ANK2: variants seen among roughly 807,000 people sequenced by gnomAD.
The protein encoded by ANK2 is ankyrin 2, also known as ankyrin-2.
ANK2 carries 83 observed loss-of-function variants against 360.5 expected under a neutral mutation model. The observed-to-expected ratio is 0.23, with a 90% CI of 0.19 to 0.28. The LOEUF (loss-of-function observed/expected upper bound fraction) is 0.28. Among genes scored for constraint, ANK2 ranks in the 10% least tolerant of loss-of-function variants. The probability of loss-of-function intolerance (pLI) is 1.00; values close to 1 mark genes in which losing one functional copy is unlikely to be tolerated. For synonymous variants in ANK2, 1,740 were observed against 1,759.5 expected, an observed-to-expected ratio of 0.99 and a Z score of 0.28; for missense variants, 4,201 against 4,795.7, an observed-to-expected ratio of 0.88 and a Z score of 3.66.
chr4:113,094,312 T>A (rs987448278), intron 1 of ANK2, among the ~76,000 whole-genome samples: 11 of 152,274 alleles, frequency 7.2e-5, no homozygotes, highest in African/African-American at 2.6e-4. Flanking sequence ...ATCAGATTCA[T>A]AAATAAATAA....
chr4:112,738,851 T>A, the ANK2 span: 1 of 646,570 alleles, frequency 1.5e-6, no homozygotes, highest in Non-Finnish European at 2.9e-6. Flanking sequence ...ACATTGGTTA[T>A]GGGAGCAACA....
At chr4:113,256,076 T>C in intron 11 of ANK2, 144 bp downstream of exon 11, 4 of 1,002,686 alleles carry the variant, frequency 4.0e-6, no homozygotes, top group Non-Finnish European at 4.5e-6. Flanking sequence ...ACAATCAGCC[T>C]GTGTACTTCA....
At chr4:113,134,136 G>C (rs537023976) in intron 1 of ANK2, among the ~76,000 whole-genome samples, 6 of 152,200 alleles carry the variant, frequency 3.9e-5, no homozygotes, top group Admixed American at 2.0e-4. Flanking sequence ...CGATTTCTAA[G>C]TCTTGGATGT....
chr4:112,813,311 A>T (rs1476093677), upstream of ANK2, among the ~76,000 whole-genome samples: 2 of 152,014 alleles, frequency 1.3e-5, no homozygotes, highest in African/African-American at 4.8e-5. Context: ...AATGGAAAAA[A>T]TTACAAATGA....
chr4:112,769,757 G>A, the ANK2 span, among the ~76,000 whole-genome samples: 1 of 152,138 alleles, frequency 6.6e-6, no homozygotes, highest in South Asian at 2.1e-4. Context: ...CCCAGTGTGG[G>A]TAGGTATCAT....
chr4:112,796,448 A>G, the ANK2 span, among the ~76,000 whole-genome samples: 11 of 96,068 alleles, frequency 1.1e-4, no homozygotes, highest in African/African-American at 1.5e-4. Context: ...ATATATCTAT[A>G]TATCTATCTA....
intron 2 of ANK2, among the ~76,000 whole-genome samples, chr4:113,004,330 T>G (rs114780333): frequency 0.014 from 2,134 of 152,272 alleles, 25 homozygotes; most frequent in Non-Finnish European, 0.018. Flanking sequence ...ATAAAGAAAT[T>G]TTGTTTTCTT....
At chr4:113,254,357 T>C (rs2048155125) in intron 10 of ANK2, among the ~76,000 whole-genome samples, 2 of 152,330 alleles carry the variant, frequency 1.3e-5, no homozygotes, top group Middle Eastern at 3.4e-3. Context: ...CTTGAGTAGG[T>C]GCTAAGTAAA....
Position 113,367,606 on chromosome 4 carries a change from C to G in ANK2, c.11073C>G (p.His3691Gln). Residue 3691 changes from histidine to glutamine, a missense_variant, in exon 42 of 46, where the codon CAC becomes CAG. By Grantham distance (24) the His-to-Gln change is conservative (BLOSUM62 0). Around this residue, in one of 4 missense-constraint regions of ANK2, gnomAD observed 2,642 missense variants for 2,714.5 expected, o/e 0.97. Transcript: ENST00000357077. Reference protein sequence around the residue: ...VLQEELCTAQHKQKEEQAVSK... With the variant: ...VLQEELCTAQQKQKEEQAVSK... ...AAGAGGAGTTATGCACTGCACAGCACAAGCAGAAAGAGGAGCAAGCTGTTT... is the reference window on the plus strand; with the variant it reads ...AAGAGGAGTTATGCACTGCACAGCAGAAGCAGAAAGAGGAGCAAGCTGTTT... The G allele has an allele frequency of 6.2e-7, 1 of 1,613,774 alleles. No homozygotes were observed. Among genetic ancestry groups the G allele is most frequent in the Non-Finnish European group, 8.5e-7 (1 of 1,179,976 alleles).
intron 1 of ANK2, among the ~76,000 whole-genome samples, chr4:112,890,077 T>G (rs2079512073): frequency 6.6e-6 from 1 of 152,184 alleles, no homozygotes; most frequent in African/African-American, 2.4e-5. Context: ...TTAAACAGGC[T>G]TAGGGAATGT....
chr4:113,374,857 A>G, intron 45 of ANK2: 1 of 1,274,048 alleles, frequency 7.8e-7, no homozygotes, highest in Non-Finnish European at 1.0e-6. Context: ...TGTTAAAACA[A>G]CTGTGGTACT....
At chr4:112,876,818 T>C (rs2075262175) in intron 1 of ANK2, among the ~76,000 whole-genome samples, 1 of 152,198 alleles carries the variant, frequency 6.6e-6, no homozygotes, top group Non-Finnish European at 1.5e-5. Context: ...TTCATTTTCC[T>C]GTGCACATCA....
intron 25 of ANK2, 50 bp from the exon 26 acceptor site, chr4:113,318,458 ATATTTTACT>A: frequency 7.5e-7 from 1 of 1,335,434 alleles, no homozygotes; most frequent in South Asian, 1.2e-5. Flanking sequence ...ATATTTTGTT[ATATTTTACT>A]TTAATTGAAG....
rs556727569 is a variant in ANK2 at position 112,828,935 on chromosome 4, C to T, written c.-40+10671C>T. On this transcript the variant is annotated intron_variant, in intron 1 of 30. Coordinates refer to the ANK2 transcript ENST00000503271. ...TTGGGAGATGGAGTCGGGTGGATCA[C>T]TTGAGGCCAGGAGTTTGAGAACAGG... 1.1e-4 allele frequency among the ~76,000 whole-genome samples: 16 copies of T among 152,292 alleles called. 1 individual carries two copies. The East Asian group carries it at 3.1e-3, about 29-fold the overall frequency.
At chr4:112,827,193 C>T (rs1339006704) in intron 1 of ANK2, 9 of 1,166,920 alleles carry the variant, frequency 7.7e-6, no homozygotes, top group South Asian at 4.9e-5. Flanking sequence ...CCAGGTCACA[C>T]CTCAAATTTC....
chr4:112,775,787 G>A, the ANK2 span, among the ~76,000 whole-genome samples: 1 of 152,172 alleles, frequency 6.6e-6, no homozygotes, highest in Admixed American at 6.5e-5. Flanking sequence ...ATTGGTCAGA[G>A]CCAGGTATAT....
At chr4:113,330,034 T>C (rs1411379758) in intron 26 of ANK2, among the ~76,000 whole-genome samples, 4 of 152,166 alleles carry the variant, frequency 2.6e-5, no homozygotes, top group Non-Finnish European at 5.9e-5. Context: ...CTTTACAGAT[T>C]AAAATAATAT....
chr4:113,338,589 G>A (rs928163001), intron 31 of ANK2, among the ~76,000 whole-genome samples: 11 of 121,674 alleles, frequency 9.0e-5, no homozygotes, highest in African/African-American at 3.1e-4. Flanking sequence ...TTGCTCTGTC[G>A]CCCAGGCTGG....
intron 26 of ANK2, among the ~76,000 whole-genome samples, chr4:113,326,721 G>A (rs2090147116): frequency 6.6e-6 from 1 of 151,912 alleles, no homozygotes; most frequent in Non-Finnish European, 1.5e-5. Flanking sequence ...TTTAATTTAG[G>A]CCAGGCACAG....
Sources: gnomAD v4.1 joint callset for allele counts (sites outside exome capture counted in the v4.1 genomes callset) on GRCh38, gnomAD v4.1.1 for gene constraint, gnomAD v4.1.1 regional missense constraint, MANE v1.5 for transcripts, NCBI Gene and HGNC (gene_info 2026-07-23, HGNC 2026-07-21) for gene names.